The following SPMAP1 variants were observed in gnomAD, a reference collection of about 807,000 sequenced individuals.
The protein encoded by SPMAP1 is uncharacterized protein C17orf98.
the SPMAP1 span, among the ~76,000 whole-genome samples, chr17:38,839,467 C>A: frequency 6.1e-4 from 76 of 124,852 alleles, no homozygotes; most frequent in South Asian, 7.8e-4. Flanking sequence ...GACCCTGTCT[C>A]AAAAAAAAAA....
At chr17:38,835,121 C>T in the SPMAP1 span, 1 of 1,522,340 alleles carries the variant, frequency 6.6e-7, no homozygotes, top group Non-Finnish European at 9.1e-7. Flanking sequence ...CGTAAAATAA[C>T]ACTAAGAGTT....
chr17:38,837,105 A>G, the SPMAP1 span: 1 of 1,451,984 alleles, frequency 6.9e-7, no homozygotes, highest in Non-Finnish European at 9.7e-7. Context: ...ATGGCCCAGG[A>G]ACCATGATGA....
the SPMAP1 span, chr17:38,837,164 T>C: frequency 1.9e-6 from 3 of 1,613,522 alleles, no homozygotes; most frequent in Non-Finnish European, 2.5e-6. Context: ...ATTTCTCCTG[T>C]TGAGGTATCT....
chr17:38,840,349 G>A, the SPMAP1 span, among the ~76,000 whole-genome samples: 3 of 152,134 alleles, frequency 2.0e-5, no homozygotes, highest in African/African-American at 4.8e-5. Context: ...GGTCTGTGAC[G>A]TCACAAAAGA....
At chr17:38,835,330 C>T in the SPMAP1 span, 1 of 1,614,154 alleles carries the variant, frequency 6.2e-7, no homozygotes, top group Non-Finnish European at 8.5e-7. Flanking sequence ...GCCCAGTCAC[C>T]TGCTGGAGAG....
the SPMAP1 span, among the ~76,000 whole-genome samples, chr17:38,836,581 CTTTCTTTTT>C: frequency 2.1e-5 from 2 of 97,394 alleles, no homozygotes; most frequent in Admixed American, 1.2e-4. Flanking sequence ...TTCTTTCTTT[CTTTCTTTTT>C]TTTTTTTTTT....
the SPMAP1 span, chr17:38,837,225 C>T: frequency 1.7e-5 from 27 of 1,613,314 alleles, no homozygotes; most frequent in Admixed American, 1.8e-4. Flanking sequence ...CCATCCCTTC[C>T]TGTACCGCCA....
the SPMAP1 span, among the ~76,000 whole-genome samples, chr17:38,838,022 T>C: frequency 2.0e-5 from 3 of 152,056 alleles, no homozygotes; most frequent in African/African-American, 4.8e-5. Flanking sequence ...GTAGCTGAGA[T>C]TACAGGCACG....
chr17:38,835,269 A>C, the SPMAP1 span: 3 of 1,614,148 alleles, frequency 1.9e-6, no homozygotes, highest in South Asian at 2.2e-5. Context: ...CGGTAGCCAA[A>C]CCTTCCATTG....
the SPMAP1 span, among the ~76,000 whole-genome samples, chr17:38,839,849 T>C: frequency 6.6e-6 from 1 of 152,152 alleles, no homozygotes. Flanking sequence ...GTGTGACTCA[T>C]GTATGTCCAT....
At chr17:38,837,232 G>A in the SPMAP1 span, 709 of 1,611,674 alleles carry the variant, frequency 4.4e-4, 1 homozygote, top group Non-Finnish European at 5.8e-4. Context: ...TTCCTGTACC[G>A]CCATGATCCT....
At chr17:38,838,669 C>G in the SPMAP1 span, among the ~76,000 whole-genome samples, 1 of 152,136 alleles carries the variant, frequency 6.6e-6, no homozygotes, top group Admixed American at 6.6e-5. Context: ...GTCCCAGCTA[C>G]TCAGGAGGCT....
the SPMAP1 span, chr17:38,837,279 A>G: frequency 7.2e-7 from 1 of 1,392,794 alleles, no homozygotes; most frequent in Non-Finnish European, 1.0e-6. Context: ...GAACACTGTC[A>G]GCCACAATGC....
chr17:38,840,504 C>T, the SPMAP1 span, among the ~76,000 whole-genome samples: 5 of 151,942 alleles, frequency 3.3e-5, no homozygotes, highest in Middle Eastern at 3.4e-3. Flanking sequence ...CCTGTCCTCC[C>T]TTTCCTCCAG....
chr17:38,835,349 T>C, the SPMAP1 span: 1 of 1,614,088 alleles, frequency 6.2e-7, no homozygotes, highest in Non-Finnish European at 8.5e-7. Flanking sequence ...AGAATGCCCT[T>C]GGGGACAAGG....
At chr17:38,839,293 T>A in the SPMAP1 span, among the ~76,000 whole-genome samples, 2 of 150,846 alleles carry the variant, frequency 1.3e-5, no homozygotes, top group African/African-American at 4.9e-5. Context: ...GCAGAACACT[T>A]GAGCTCAGGA....
chr17:38,838,245 G>C, the SPMAP1 span, among the ~76,000 whole-genome samples: 1 of 151,960 alleles, frequency 6.6e-6, no homozygotes, highest in Non-Finnish European at 1.5e-5. Context: ...TTTAATAAAT[G>C]TTATCTTTAT....
At chr17:38,836,215 G>A in the SPMAP1 span, among the ~76,000 whole-genome samples, 1 of 151,934 alleles carries the variant, frequency 6.6e-6, no homozygotes, top group African/African-American at 2.4e-5. Flanking sequence ...CACCAGGCCA[G>A]GAAGAGCAGA....
At chr17:38,837,441 C>T in the SPMAP1 span, among the ~76,000 whole-genome samples, 1 of 152,146 alleles carries the variant, frequency 6.6e-6, no homozygotes, top group Non-Finnish European at 1.5e-5. Context: ...CTTTGGAAGG[C>T]CAAGGTGGGT....
Sources: gnomAD v4.1 joint callset for allele counts (sites outside exome capture counted in the v4.1 genomes callset) on GRCh38, gnomAD v4.1.1 for gene constraint, MANE v1.5 for transcripts, NCBI Gene and HGNC (gene_info 2026-07-23, HGNC 2026-07-21) for gene names.